The following CIBAR2 variants were observed in gnomAD, a reference collection of about 807,000 sequenced individuals.
The protein encoded by CIBAR2 is CBY1-interacting BAR domain-containing protein 2.
In CIBAR2, 38 loss-of-function variants were observed where a neutral mutation model predicts 36.2. That is an observed-to-expected ratio of 1.05 (90% CI 0.81 to 1.38). CIBAR2 has a LOEUF of 1.38. CIBAR2 is among the 40% of genes most tolerant of loss of function. The probability of loss-of-function intolerance (pLI) is 0.00; values close to 1 mark genes in which losing one functional copy is unlikely to be tolerated. For synonymous variants in CIBAR2, 182 were observed against 149.5 expected (o/e 1.22, Z -1.58); for missense variants, 481 against 383.4 (o/e 1.25, Z -2.13).
intron 1 of CIBAR2, among the ~76,000 whole-genome samples, chr16:85,111,727 C>T (rs1330224705): frequency 1.3e-5 from 2 of 152,214 alleles, no homozygotes; most frequent in Non-Finnish European, 2.9e-5. Context: ...GCCTGTAGTC[C>T]CAGCTACTTG....
chr16:85,108,991 A>C (rs1477531621), intron 2 of CIBAR2, among the ~76,000 whole-genome samples: 2 of 152,148 alleles, frequency 1.3e-5, no homozygotes, highest in African/African-American at 4.8e-5. Flanking sequence ...GGAAGATGGC[A>C]CCCTGTCTCC....
intron 6 of CIBAR2, among the ~76,000 whole-genome samples, chr16:85,102,848 G>C (rs1215637769): frequency 6.6e-6 from 1 of 151,280 alleles, no homozygotes; most frequent in Non-Finnish European, 1.5e-5. Context: ...TTTTCACTCT[G>C]GTCTGAGCTT....
chr16:85,109,582 G>C (rs908319795), intron 2 of CIBAR2, among the ~76,000 whole-genome samples: 4 of 152,230 alleles, frequency 2.6e-5, no homozygotes, highest in Admixed American at 1.3e-4. Context: ...AGAGTGCAGA[G>C]GCATGATCAT....
chr16:85,100,134 C>T lies in CIBAR2; in HGVS notation c.753+5G>A. 6.2e-7 allele frequency: 1 copy of T among 1,607,772 alleles called. No individual in the cohort carries two copies. Among genetic ancestry groups the T allele is most frequent in the East Asian group, 2.2e-5 (1 of 44,732 alleles). ...GTGTAACCCCTCACCCACCCACACG[C>T]TCACCTGGCTGGCGAGAGACTGAAG... On this transcript the variant is annotated splice_donor_5th_base_variant and intron_variant, in intron 8 of 8. Coordinates refer to ENST00000539556, the MANE Select transcript of CIBAR2 (RefSeq NM_198491.3).
At position 85,108,044 on chromosome 16, in the gene CIBAR2, A is replaced by G; in HGVS notation, c.311T>C (p.Ile104Thr). The change falls in exon 3 of 9, where the codon ATC (isoleucine) becomes ACC (threonine). Residue 104 changes from isoleucine to threonine, a missense_variant. Transcript: ENST00000539556. ...GCCCCGGCTCACCCGTGTCTGCTTG[A>G]TCTGTGCCCCGTAGAGCTTCAGGGG... is the stretch of plus-strand genomic sequence containing the variant. ...VNPLKLYGAQ[I>T]KQTRAEIKKF... 1.2e-6 allele frequency: 2 copies of G among 1,613,742 alleles called. No individual in the cohort carries two copies. The highest frequency in any genetic ancestry group is 1.7e-6 in the Non-Finnish European group (2 of 1,179,786).
chr16:85,106,172 T>G (rs1277068078), intron 5 of CIBAR2, among the ~76,000 whole-genome samples: 2 of 152,080 alleles, frequency 1.3e-5, no homozygotes, highest in Non-Finnish European at 2.9e-5. Context: ...CAGGATAGAA[T>G]CCGGAGGTGC....
rs374760302 is a variant in CIBAR2, at chr16:85,110,442, C to T, written c.39G>A (p.Val13=). 6.2e-6 allele frequency: 10 copies of T among 1,603,190 alleles called. No individual in the cohort carries two copies. The African/African-American group carries it at 8.0e-5, about 13-fold the overall frequency. The change falls in exon 2 of 9, where the codon GTG becomes GTA. Residue 13 remains valine, a synonymous_variant. Transcript: ENST00000539556. ...CGGTGTTGGCCACGGTATTCTCCAT[C>T]ACCCTCACCTGGCTGTCCCTGTGGA... ...IVFSRDSQVR[V]MENTVANTEK...
In CIBAR2 at chr16:85,099,145, A is replaced by T; in HGVS notation, c.*40T>A. The T allele has an allele frequency of 6.8e-7, 1 of 1,469,298 alleles. No individual in the cohort carries two copies. The highest frequency in any genetic ancestry group is 1.5e-5 in the South Asian group (1 of 68,958). 91.0% of individuals were successfully genotyped at this position (1,469,298 alleles called of 1,614,324 possible). A position where few individuals can be genotyped will look rare whatever the true frequency, so the allele number is the denominator to read the frequency against. On this transcript the variant is annotated 3_prime_UTR_variant, in exon 9 of 9. Transcript: ENST00000539556. ...GAACAAAGCCTCCAGGCAGTCTGGG[A>T]TTATTTTAAACGGCTTGGGATTGCA...
Position 85,098,769 on chromosome 16 carries a change from G to C in CIBAR2, c.*416C>G, listed in dbSNP as rs922948551. On this transcript the variant is annotated 3_prime_UTR_variant, in exon 9 of 9. Coordinates refer to ENST00000539556, the MANE Select transcript of CIBAR2 (RefSeq NM_198491.3). ...CAAGTGTTTGTTGCGCAACAGGCCG[G>C]GTTTTCTGTGCTTCGTATAGATCTG... The C allele has an allele frequency of 2.8e-5, 11 of 392,506 alleles. No individual in the cohort carries two copies. The highest frequency in any genetic ancestry group is 2.2e-4 in the African/African-American group (10 of 45,712). 24.3% of individuals were successfully genotyped at this position (392,506 alleles called of 1,614,324 possible). A position where few individuals can be genotyped will look rare whatever the true frequency, so the allele number is the denominator to read the frequency against.
chr16:85,103,165 A>G (rs2073968956), intron 6 of CIBAR2, among the ~76,000 whole-genome samples: 1 of 152,130 alleles, frequency 6.6e-6, no homozygotes, highest in Admixed American at 6.6e-5. Context: ...CTCCACTTTC[A>G]TGAATGGGAT....
rs1036617752 is a variant in CIBAR2 at position 85,099,188 on chromosome 16, G to A, written c.912C>T (p.Leu304=). 2 of 1,572,910 alleles carry A rather than the reference G, an allele frequency of 1.3e-6. No homozygotes were observed. The highest frequency in any genetic ancestry group is 1.9e-5 in the Admixed American group (1 of 52,952). Residue 304 remains leucine, a synonymous_variant, in exon 9 of 9, where the codon CTC becomes CTT. Coordinates refer to ENST00000539556, the MANE Select transcript of CIBAR2 (RefSeq NM_198491.3). The part of the protein sequence containing the change: ...GGHLMLPGHS[L] ...GGATTGCACTTACCCTACGTCGTTA[G>A]AGAGAATGTCCTGGAAGCATGAGAT...
At chr16:85,109,554 T>G (rs11641330) in intron 2 of CIBAR2, among the ~76,000 whole-genome samples, 1 of 152,098 alleles carries the variant, frequency 6.6e-6, no homozygotes, top group East Asian at 1.9e-4. Flanking sequence ...GATAAAGTCT[T>G]GTACTGTCTC....
At chr16:85,105,716 G>A (rs2073990936) in intron 5 of CIBAR2, among the ~76,000 whole-genome samples, 1 of 152,226 alleles carries the variant, frequency 6.6e-6, no homozygotes, top group African/African-American at 2.4e-5. Flanking sequence ...AGACAGTAAT[G>A]AGACTTGCTT....
intron 6 of CIBAR2, among the ~76,000 whole-genome samples, chr16:85,103,569 G>A (rs1388838162): frequency 6.6e-6 from 1 of 152,194 alleles, no homozygotes; most frequent in Non-Finnish European, 1.5e-5. Flanking sequence ...GAACCGTGTG[G>A]TCCATGCTCC....
intron 7 of CIBAR2, 56 bp downstream of exon 7, chr16:85,102,158 C>A: frequency 9.9e-7 from 1 of 1,007,610 alleles, no homozygotes; most frequent in Admixed American, 2.1e-5. Flanking sequence ...AAGACAAAAC[C>A]AAAATGAAAC....
chr16:85,105,675 C>A (rs1487641296), intron 5 of CIBAR2, among the ~76,000 whole-genome samples: 2 of 152,182 alleles, frequency 1.3e-5, no homozygotes, highest in African/African-American at 4.8e-5. Flanking sequence ...CTTACCCTCT[C>A]TGAGCCTCAA....
In CIBAR2 at chr16:85,101,544, C is replaced by T. The variant is rs576625049; in HGVS notation, c.651+670G>A. Reference sequence around the variant, plus strand: ...TTGCGGAAGGGTGTTACAGATAACGCAAACAGCTCATTCTAGATTTTAACC... The same window carrying T: ...TTGCGGAAGGGTGTTACAGATAACGTAAACAGCTCATTCTAGATTTTAACC... On this transcript the variant is annotated intron_variant, in intron 7 of 8. Transcript: ENST00000539556. Among the ~76,000 whole-genome samples, 8 of 152,252 alleles carry T rather than the reference C, an allele frequency of 5.3e-5. No homozygotes were observed. The South Asian group carries it at 1.7e-3, about 32-fold the overall frequency.
At position 85,098,572 on chromosome 16, in the gene CIBAR2, T is replaced by C. The variant is rs963525814; in HGVS notation, c.*613A>G. 6.1e-6 allele frequency: 6 copies of C among 985,984 alleles called. No homozygotes were observed. The highest frequency in any genetic ancestry group is 3.5e-5 in the African/African-American group (2 of 57,380). The allele number at this position is 985,984 out of a possible 1,614,324, so 61.1% of individuals were successfully genotyped here. ...GACTGTTGTGGGCAGTTCTCTCTTATGGGGTCCCTGCCCCAGTGCCCTGAG... is the reference window on the plus strand; with the variant it reads ...GACTGTTGTGGGCAGTTCTCTCTTACGGGGTCCCTGCCCCAGTGCCCTGAG... On this transcript the variant is annotated 3_prime_UTR_variant, in exon 9 of 9. Transcript: ENST00000539556.
chr16:85,100,341 A>G (rs1299490242), intron 7 of CIBAR2, 101 bp from the exon 8 acceptor site: 2 of 684,802 alleles, frequency 2.9e-6, no homozygotes, highest in African/African-American at 3.5e-5. Context: ...GGCCCGAGAC[A>G]GCTAATGCTC....
Sources: gnomAD v4.1 joint callset for allele counts (sites outside exome capture counted in the v4.1 genomes callset) on GRCh38, gnomAD v4.1.1 for gene constraint, MANE v1.5 for transcripts, NCBI Gene and HGNC (gene_info 2026-07-23, HGNC 2026-07-21) for gene names.